TPH1: variants seen among roughly 807,000 people sequenced by gnomAD.
TPH1 encodes tryptophan 5-hydroxylase 1.
A neutral mutation model predicts 49.5 loss-of-function variants in TPH1; 37 were observed. The ratio of observed to expected loss-of-function variants is 0.75; its 90% CI spans 0.58 to 0.98. TPH1 has a LOEUF of 0.98. Among genes scored for constraint, TPH1 ranks in the 50% least tolerant of loss-of-function variants. TPH1 has a pLI of 0.00. For missense variants in TPH1, 487 were observed against 523.6 expected, an observed-to-expected ratio of 0.93 and a Z score of 0.68; for synonymous variants, 160 against 182.1, an observed-to-expected ratio of 0.88 and a Z score of 0.98.
intron 4 of TPH1, among the ~76,000 whole-genome samples, chr11:18,030,762 T>C (rs1182101258): frequency 6.6e-6 from 1 of 152,030 alleles, no homozygotes; most frequent in Non-Finnish European, 1.5e-5. Flanking sequence ...AGAGTGGAAA[T>C]AGCACAGTGA....
intron 4 of TPH1, among the ~76,000 whole-genome samples, chr11:18,032,195 T>C (rs150599258): frequency 6.6e-6 from 1 of 152,276 alleles, no homozygotes; most frequent in Admixed American, 6.5e-5. Context: ...AGAAATGCTC[T>C]AGATTTACTA....
Position 18,020,213 on chromosome 11 carries a change from G to C in TPH1, c.*778C>G, listed in dbSNP as rs1019956302. 6.5e-6 allele frequency: 1 copy of C among 154,512 alleles called. No homozygotes were observed. The highest frequency in any genetic ancestry group is 1.4e-5 in the Non-Finnish European group (1 of 69,670). 9.6% of individuals were successfully genotyped at this position (154,512 alleles called of 1,614,324 possible). A position where few individuals can be genotyped will look rare whatever the true frequency, so the allele number is the denominator to read the frequency against. The stretch of plus-strand genomic sequence containing the variant: ...ACCCATGAGTAGGATAGATAGTCCA[G>C]AATAAAACCAGTATCGTGTGATGTC... On this transcript the variant is annotated 3_prime_UTR_variant, in exon 11 of 11. Transcript: ENST00000682019.
In TPH1 at chr11:18,019,815, A is replaced by G; in HGVS notation, c.*1176T>C. On this transcript the variant is annotated 3_prime_UTR_variant, in exon 11 of 11. Transcript: ENST00000682019. Reference sequence around the variant, plus strand: ...TTCAGCTTCACCCATTTATAACAGGACTGCTTACTCCCTGTGCTACACAGC... The same window carrying G: ...TTCAGCTTCACCCATTTATAACAGGGCTGCTTACTCCCTGTGCTACACAGC... The G allele has an allele frequency of 2.2e-6, 1 of 451,856 alleles. No homozygotes were observed. Among genetic ancestry groups the G allele is most frequent in the Non-Finnish European group, 4.5e-6 (1 of 224,700 alleles). The allele number at this position is 451,856 out of a possible 1,614,324, so 28.0% of individuals were successfully genotyped here.
At chr11:18,026,182 C>T (rs777657951) in intron 7 of TPH1, among the ~76,000 whole-genome samples, 5 of 152,066 alleles carry the variant, frequency 3.3e-5, no homozygotes, top group African/African-American at 4.8e-5. Context: ...TATCTGTTTC[C>T]CCCACTGGAA....
At chr11:18,041,704 T>C (rs1848099879) in intron 1 of TPH1, among the ~76,000 whole-genome samples, 2 of 152,230 alleles carry the variant, frequency 1.3e-5, no homozygotes, top group South Asian at 2.1e-4. Flanking sequence ...TTTCCAAAAC[T>C]ACCAAGATTT....
rs1430139555 is a variant in TPH1, at chr11:18,033,387, A to C, written c.302-13T>G. Reference sequence around the variant, plus strand: ...ACAGTTTCCATACCTGTAAAATTTAAAATAAAATAAAATAAAAACCAGTAA... The same window carrying C: ...ACAGTTTCCATACCTGTAAAATTTACAATAAAATAAAATAAAAACCAGTAA... On this transcript the variant is annotated splice_polypyrimidine_tract_variant and intron_variant, in intron 3 of 10. Transcript: ENST00000682019. The C allele has an allele frequency of 8.4e-6, 13 of 1,541,432 alleles. No individual in the cohort carries two copies. The highest frequency in any genetic ancestry group is 1.2e-5 in the Non-Finnish European group (13 of 1,115,808).
At chr11:18,022,987 G>A in intron 9 of TPH1, 56 bp from the exon 10 acceptor site, 1 of 1,585,762 alleles carries the variant, frequency 6.3e-7, no homozygotes, top group Non-Finnish European at 8.6e-7. Flanking sequence ...CATAGATCAT[G>A]CAACTTCCAT....
At chr11:18,035,067 G>A (rs573180962) in intron 3 of TPH1, among the ~76,000 whole-genome samples, 14 of 152,228 alleles carry the variant, frequency 9.2e-5, no homozygotes, top group African/African-American at 1.2e-4. Flanking sequence ...GAGCTCAGGC[G>A]GTAAGGATCG....
Position 18,026,392 on chromosome 11 carries a change from CCAAAA to C in TPH1, c.803+93_803+97del. 5.5e-6 allele frequency: 5 copies of C among 914,908 alleles called. No individual in the cohort carries two copies. The East Asian group carries it at 1.3e-4, about 24-fold the overall frequency. The allele number at this position is 914,908 out of a possible 1,614,324, so 56.7% of individuals were successfully genotyped here. On this transcript the variant is annotated intron_variant, in intron 7 of 10. Transcript: ENST00000682019. ...TGCTAATTTATTTAATCCTCGCACA[CCAAAA>C]AAAAAAAAAAAAAAAAAAAAGAACC...
chr11:18,041,905 C>A (rs534846373), intron 1 of TPH1, among the ~76,000 whole-genome samples: 1 of 152,298 alleles, frequency 6.6e-6, no homozygotes, highest in South Asian at 2.1e-4. Flanking sequence ...AAAGTTAGGG[C>A]AGTAAAAATT....
In TPH1 at chr11:18,032,842, G is replaced by A. The variant is rs563288543; in HGVS notation, c.402+432C>T. On this transcript the variant is annotated intron_variant, in intron 4 of 10. Transcript: ENST00000682019. ...CTTACAGGCGCGAGCCACTGCACCC[G>A]GCCCGCTTGTTGAAATCTTGATTAA... is the stretch of plus-strand genomic sequence containing the variant. Among the ~76,000 whole-genome samples, 25 of 151,916 alleles carry A rather than the reference G, an allele frequency of 1.6e-4. No individual in the cohort carries two copies. The East Asian group carries it at 1.9e-3, about 12-fold the overall frequency.
At chr11:18,038,613 G>A (rs955586318) in intron 2 of TPH1, among the ~76,000 whole-genome samples, 4 of 152,164 alleles carry the variant, frequency 2.6e-5, no homozygotes, top group South Asian at 2.1e-4. Flanking sequence ...CGATGATAGT[G>A]TACACGTGAT....
At chr11:18,035,767 T>G (rs1021365880) in intron 3 of TPH1, among the ~76,000 whole-genome samples, 192 bp downstream of exon 3, 1 of 152,134 alleles carries the variant, frequency 6.6e-6, no homozygotes, top group Non-Finnish European at 1.5e-5. Flanking sequence ...TCTCTTACAC[T>G]TGATCAAATG....
chr11:18,025,127 C>T (rs1847915710), intron 8 of TPH1, among the ~76,000 whole-genome samples: 1 of 152,128 alleles, frequency 6.6e-6, no homozygotes, highest in Non-Finnish European at 1.5e-5. Flanking sequence ...GTGTCTTGTA[C>T]CTAGTACTCA....
chr11:18,028,132 T>C (rs1847947755), intron 6 of TPH1, among the ~76,000 whole-genome samples: 1 of 152,232 alleles, frequency 6.6e-6, no homozygotes, highest in Admixed American at 6.5e-5. Flanking sequence ...CCCTTGAAGA[T>C]AGATCACTGA....
rs1193224302 is a variant in TPH1, at chr11:18,018,485, T to C, written c.*2506A>G. On this transcript the variant is annotated 3_prime_UTR_variant, in exon 11 of 11. Coordinates refer to ENST00000682019, the MANE Select transcript of TPH1 (RefSeq NM_004179.3). ...ATTGAAACCATCCTGGCTAACACGG[T>C]GAAACCTTGTCTCTACTAAAAATAC... The C allele has an allele frequency of 1.3e-5, 2 of 151,466 alleles. No individual in the cohort carries two copies. Among genetic ancestry groups the C allele is most frequent in the Non-Finnish European group, 2.9e-5 (2 of 67,922 alleles). 9.4% of individuals were successfully genotyped at this position (151,466 alleles called of 1,614,324 possible). A position where few individuals can be genotyped will look rare whatever the true frequency, so the allele number is the denominator to read the frequency against.
chr11:18,023,839 C>T, intron 9 of TPH1, 49 bp downstream of exon 9: 1 of 1,448,096 alleles, frequency 6.9e-7, no homozygotes. Flanking sequence ...CAGGTTTTAT[C>T]AATTATGTTA....
intron 4 of TPH1, among the ~76,000 whole-genome samples, chr11:18,029,825 A>T (rs1221804744): frequency 3.9e-5 from 6 of 152,226 alleles, no homozygotes; most frequent in Admixed American, 3.9e-4. Flanking sequence ...TTGTGCCTAC[A>T]AAGATAAAAC....
At chr11:18,035,138 C>T (rs1848031329) in intron 3 of TPH1, among the ~76,000 whole-genome samples, 1 of 152,176 alleles carries the variant, frequency 6.6e-6, no homozygotes, top group Non-Finnish European at 1.5e-5. Flanking sequence ...CGGACGAGTC[C>T]CCTGCTATAC....
Sources: allele counts gnomAD v4.1 joint callset (sites outside exome capture counted in the v4.1 genomes callset), GRCh38; gene constraint gnomAD v4.1.1; transcripts MANE v1.5; gene names NCBI Gene and HGNC (gene_info 2026-07-23, HGNC 2026-07-21).